MAST4: variants seen among roughly 807,000 people sequenced by gnomAD.
The protein encoded by MAST4 is microtubule associated serine/threonine kinase family member 4, also known as microtubule-associated serine/threonine-protein kinase 4.
MAST4 carries 89 observed loss-of-function variants against 162.7 expected under a neutral mutation model. The ratio of observed to expected loss-of-function variants is 0.55; its 90% CI spans 0.46 to 0.65. MAST4 has a LOEUF of 0.65. MAST4 is among the 30% of genes least tolerant of loss of function. MAST4 has a pLI of 0.00. For synonymous variants in MAST4, 1,479 were observed against 1,361.1 expected (o/e 1.09, Z -1.91); for missense variants, 3,153 against 3,374.0 (o/e 0.93, Z 1.62).
At chr5:66,853,881 G>T (rs1006085337) in intron 3 of MAST4, among the ~76,000 whole-genome samples, 10 of 152,024 alleles carry the variant, frequency 6.6e-5, no homozygotes, top group South Asian at 6.2e-4. Flanking sequence ...ATTTAATTTA[G>T]CAAAGCTATT....
chr5:66,961,212 C>T (rs949733284), intron 4 of MAST4, among the ~76,000 whole-genome samples: 1 of 152,160 alleles, frequency 6.6e-6, no homozygotes, highest in African/African-American at 2.4e-5. Flanking sequence ...CTAGCCACTG[C>T]AGAGGAATGT....
chr5:67,070,357 T>G (rs1409383793), intron 5 of MAST4, among the ~76,000 whole-genome samples: 2 of 152,156 alleles, frequency 1.3e-5, no homozygotes, highest in Non-Finnish European at 2.9e-5. Flanking sequence ...CTGTTCCTAT[T>G]GTTGACAAAA....
chr5:66,757,929 T>A (rs961435770), intron 1 of MAST4, among the ~76,000 whole-genome samples: 1 of 152,228 alleles, frequency 6.6e-6, no homozygotes, highest in Admixed American at 6.5e-5. Flanking sequence ...GTGATTTGGT[T>A]CTGCATTTTC....
At chr5:66,880,262 T>G (rs1449682549) in intron 3 of MAST4, among the ~76,000 whole-genome samples, 1 of 152,194 alleles carries the variant, frequency 6.6e-6, no homozygotes, top group Non-Finnish European at 1.5e-5. Context: ...TATTACATAT[T>G]TGCTCATATT....
At chr5:66,724,961 T>C (rs993539542) in intron 1 of MAST4, among the ~76,000 whole-genome samples, 5 of 152,042 alleles carry the variant, frequency 3.3e-5, no homozygotes, top group African/African-American at 9.7e-5. Flanking sequence ...TGTTTCTTTT[T>C]GCATGTTCTT....
intron 4 of MAST4, among the ~76,000 whole-genome samples, chr5:66,978,720 G>A (rs1456860462): frequency 2.0e-5 from 3 of 152,216 alleles, no homozygotes; most frequent in Non-Finnish European, 4.4e-5. Flanking sequence ...TGCTAGGTAA[G>A]CCAGCTTGCC....
At chr5:67,063,897 A>C (rs1759928297) in intron 5 of MAST4, among the ~76,000 whole-genome samples, 1 of 152,224 alleles carries the variant, frequency 6.6e-6, no homozygotes, top group Admixed American at 6.5e-5. Context: ...CAGCTTGCTG[A>C]GAATATGGAA....
At chr5:66,956,212 A>G (rs180849432) in intron 4 of MAST4, among the ~76,000 whole-genome samples, 1 of 152,274 alleles carries the variant, frequency 6.6e-6, no homozygotes, top group East Asian at 1.9e-4. Context: ...TTTCGTATCT[A>G]GCTTTTGCTG....
At chr5:66,834,487 C>T (rs1219422181) in intron 3 of MAST4, among the ~76,000 whole-genome samples, 4 of 152,116 alleles carry the variant, frequency 2.6e-5, no homozygotes, top group African/African-American at 9.7e-5. Context: ...GGATGTTGTC[C>T]ATGCAGGCCA....
At chr5:67,078,931 T>TTTTTATATAAATAAATAAATAA (rs1561622531) in intron 5 of MAST4, among the ~76,000 whole-genome samples, 1 of 71,322 alleles carries the variant, frequency 1.4e-5, no homozygotes, top group African/African-American at 7.4e-5. Flanking sequence ...TATATATATA[T>TTTTTATATAAATAAATAAATAA]ATATATATAT....
At chr5:66,893,382 T>G (rs7702604) in intron 3 of MAST4, among the ~76,000 whole-genome samples, 5,274 of 150,130 alleles carry the variant, frequency 0.035, 241 homozygotes, top group African/African-American at 0.1. Context: ...ATTTTTTTTT[T>G]TGTGTGTGTG....
chr5:66,803,523 G>T (rs926903784), intron 3 of MAST4, among the ~76,000 whole-genome samples: 7 of 151,980 alleles, frequency 4.6e-5, no homozygotes, highest in African/African-American at 1.7e-4. Context: ...ATATTGCTCT[G>T]TTTATTTAGG....
intron 4 of MAST4, among the ~76,000 whole-genome samples, chr5:66,945,336 A>G (rs866984760): frequency 6.6e-6 from 1 of 152,102 alleles, no homozygotes; most frequent in South Asian, 2.1e-4. Context: ...CTCTTTTTAA[A>G]CAGTTCACAT....
chr5:66,705,339 A>G (rs900301876), intron 1 of MAST4, among the ~76,000 whole-genome samples: 9 of 152,218 alleles, frequency 5.9e-5, no homozygotes, highest in Non-Finnish European at 1.3e-4. Context: ...GTAATTAAAT[A>G]CATGTGCTGC....
rs1344572304 is a variant in MAST4 at position 67,152,767 on chromosome 5, T to C, written c.3426T>C (p.Ile1142=). The C allele has an allele frequency of 6.2e-7, 1 of 1,614,072 alleles. No individual in the cohort carries two copies. Among genetic ancestry groups the C allele is most frequent in the Admixed American group, 1.7e-5 (1 of 60,026 alleles). The part of the protein sequence containing the change: ...SAASASPHQP[I]VIHSSGKNYG... ...CTTCTGCCAGTCCACATCAGCCGAT[T>C]GTGATCCACAGTTCGGGGAAGAACT... The change falls in exon 25 of 29, where the codon ATT becomes ATC. Residue 1142 remains isoleucine (I), a synonymous_variant. Transcript: ENST00000403625.
intron 4 of MAST4, among the ~76,000 whole-genome samples, chr5:67,032,647 A>G (rs879846245): frequency 3.9e-5 from 6 of 152,162 alleles, no homozygotes; most frequent in African/African-American, 9.7e-5. Flanking sequence ...TTTCAGCAGC[A>G]TAGTCTGGTC....
At chr5:66,903,548 A>G (rs1320587597) in intron 4 of MAST4, among the ~76,000 whole-genome samples, 2 of 152,194 alleles carry the variant, frequency 1.3e-5, no homozygotes, top group South Asian at 2.1e-4. Context: ...CTACAGTGGC[A>G]GACACCAATT....
chr5:66,901,382 C>T (rs1763002403), intron 4 of MAST4, among the ~76,000 whole-genome samples: 1 of 150,930 alleles, frequency 6.6e-6, no homozygotes, highest in South Asian at 2.1e-4. Context: ...AATTAGATTT[C>T]ATATTTCTAT....
chr5:67,107,984 T>A (rs955659950), intron 10 of MAST4, among the ~76,000 whole-genome samples: 18 of 152,230 alleles, frequency 1.2e-4, no homozygotes, highest in Non-Finnish European at 2.2e-4. Context: ...TTTCTCTTCA[T>A]GGGCTAATCG....
Sources: gnomAD v4.1 joint callset for allele counts (sites outside exome capture counted in the v4.1 genomes callset) on GRCh38, gnomAD v4.1.1 for gene constraint, MANE v1.5 for transcripts, NCBI Gene and HGNC (gene_info 2026-07-23, HGNC 2026-07-21) for gene names.